CCDC91: variants seen among roughly 807,000 people sequenced by gnomAD.
CCDC91 encodes coiled-coil domain-containing protein 91.
In CCDC91, 48 loss-of-function variants were observed where a neutral mutation model predicts 63.2. The ratio of observed to expected loss-of-function variants is 0.76; its 90% CI spans 0.60 to 0.97. The LOEUF is 0.97. Among genes scored for constraint, CCDC91 ranks in the 50% least tolerant of loss-of-function variants. The probability of loss-of-function intolerance (pLI) is 0.00; values close to 1 mark genes in which losing one functional copy is unlikely to be tolerated. For synonymous variants in CCDC91, 167 were observed against 165.8 expected (o/e 1.01, Z -0.06); for missense variants, 500 against 494.6 (o/e 1.01, Z -0.10).
At chr12:28,243,257 A>G (rs1421694599) in intron 1 of CCDC91, among the ~76,000 whole-genome samples, 1 of 152,172 alleles carries the variant, frequency 6.6e-6, no homozygotes, top group Admixed American at 6.5e-5. Context: ...CAGCTGTCCC[A>G]TAGGGAAGTG....
rs763711917 is a variant in CCDC91 at position 28,389,836 on chromosome 12, A to G, written c.655-1468A>G. Reference sequence around the variant, plus strand: ...TAAGGGAATTTTTTATAACTATATTATTTTTTAACTTTTCTGAAATCCCAA... The same window carrying G: ...TAAGGGAATTTTTTATAACTATATTGTTTTTTAACTTTTCTGAAATCCCAA... On this transcript the variant is annotated intron_variant, in intron 7 of 12. Coordinates refer to ENST00000536442, the MANE Select transcript of CCDC91 (RefSeq NM_018318.5). Among the ~76,000 whole-genome samples the G allele has an allele frequency of 1.2e-4, 19 of 152,034 alleles. 1 individual carries two copies. Among genetic ancestry groups the G allele is most frequent in the South Asian group, 6.2e-4 (3 of 4,828 alleles).
chr12:28,455,874 A>G (rs1950034487), intron 11 of CCDC91, among the ~76,000 whole-genome samples: 1 of 152,014 alleles, frequency 6.6e-6, no homozygotes, highest in Non-Finnish European at 1.5e-5. Flanking sequence ...TATTATCCCC[A>G]TTGTTACAGA....
chr12:28,529,954 G>C (rs1941599020), intron 12 of CCDC91, among the ~76,000 whole-genome samples: 1 of 152,158 alleles, frequency 6.6e-6, no homozygotes, highest in Admixed American at 6.5e-5. Context: ...GCAACAGTCA[G>C]ATGAACTGGA....
intron 12 of CCDC91, among the ~76,000 whole-genome samples, chr12:28,506,992 C>G (rs1369817571): frequency 6.6e-6 from 1 of 151,844 alleles, no homozygotes; most frequent in Non-Finnish European, 1.5e-5. Flanking sequence ...TGTGTAAATG[C>G]AGAATTCATA....
chr12:28,413,544 A>G (rs534089583), intron 8 of CCDC91, among the ~76,000 whole-genome samples: 1 of 152,206 alleles, frequency 6.6e-6, no homozygotes, highest in African/African-American at 2.4e-5. Context: ...GATGTGCTGT[A>G]ATTTTACTCA....
intron 3 of CCDC91, among the ~76,000 whole-genome samples, chr12:28,297,219 A>G (rs1949611726): frequency 6.6e-6 from 1 of 151,878 alleles, no homozygotes; most frequent in Non-Finnish European, 1.5e-5. Context: ...ATTTTTACCC[A>G]TTTCTTATTT....
At chr12:28,457,098 T>G (rs1950090879) in intron 11 of CCDC91, among the ~76,000 whole-genome samples, 1 of 152,022 alleles carries the variant, frequency 6.6e-6, no homozygotes, top group Non-Finnish European at 1.5e-5. Flanking sequence ...CTGTAACCCA[T>G]GATTGAGTAG....
intron 1 of CCDC91, among the ~76,000 whole-genome samples, chr12:28,240,719 A>G (rs1034374375): frequency 3.8e-4 from 58 of 151,772 alleles, no homozygotes; most frequent in African/African-American, 1.2e-3. Flanking sequence ...TTTATAGCTG[A>G]TAAGTATTAC....
At chr12:28,399,696 G>A (rs1438868338) in intron 8 of CCDC91, among the ~76,000 whole-genome samples, 2 of 152,186 alleles carry the variant, frequency 1.3e-5, no homozygotes, top group Non-Finnish European at 2.9e-5. Context: ...TTCCAAATGG[G>A]AGAAATTGGC....
chr12:28,311,825 A>T (rs1001685096), intron 6 of CCDC91, among the ~76,000 whole-genome samples: 1 of 151,620 alleles, frequency 6.6e-6, no homozygotes, highest in African/African-American at 2.4e-5. Context: ...CAGAGGATTG[A>T]CTTTTATTGG....
intron 3 of CCDC91, among the ~76,000 whole-genome samples, chr12:28,268,057 AAATAATT>A (rs1288688401): frequency 7.1e-6 from 1 of 141,456 alleles, no homozygotes; most frequent in Non-Finnish European, 1.5e-5. Flanking sequence ...TAAAAATTAA[AAATAATT>A]AATAATAATA....
intron 1 of CCDC91, among the ~76,000 whole-genome samples, chr12:28,231,848 T>G (rs1944621644): frequency 6.6e-6 from 1 of 152,204 alleles, no homozygotes; most frequent in South Asian, 2.1e-4. Flanking sequence ...TTATGTTAAG[T>G]GAATCTGATT....
intron 11 of CCDC91, among the ~76,000 whole-genome samples, chr12:28,475,112 A>G (rs923367355): frequency 1.3e-5 from 2 of 152,136 alleles, no homozygotes; most frequent in African/African-American, 2.4e-5. Flanking sequence ...TTCTTTACAT[A>G]TATTAACATA....
At chr12:28,328,491 G>C (rs11049534) in intron 6 of CCDC91, among the ~76,000 whole-genome samples, 1 of 152,192 alleles carries the variant, frequency 6.6e-6, no homozygotes, top group Non-Finnish European at 1.5e-5. Context: ...TTTATTTTCA[G>C]ATTGCCAATT....
intron 11 of CCDC91, among the ~76,000 whole-genome samples, chr12:28,464,654 A>T (rs1950466882): frequency 6.6e-6 from 1 of 152,144 alleles, no homozygotes; most frequent in South Asian, 2.1e-4. Flanking sequence ...TTCCCTGTCA[A>T]CTCAAGAGCC....
At chr12:28,294,280 A>G (rs185264009) in intron 3 of CCDC91, among the ~76,000 whole-genome samples, 2 of 152,226 alleles carry the variant, frequency 1.3e-5, no homozygotes, top group African/African-American at 4.8e-5. Context: ...CTTTTTGGTC[A>G]TTGATAGGCT....
At chr12:28,435,131 A>G (rs557856605) in intron 8 of CCDC91, among the ~76,000 whole-genome samples, 37 of 151,124 alleles carry the variant, frequency 2.4e-4, no homozygotes, top group Non-Finnish European at 5.2e-4. Flanking sequence ...TCTGTTTTCA[A>G]TTTCATTGAT....
At chr12:28,457,624 A>G (rs542343370) in intron 11 of CCDC91, among the ~76,000 whole-genome samples, 11 of 151,848 alleles carry the variant, frequency 7.2e-5, no homozygotes, top group South Asian at 2.1e-4. Context: ...ATGTTAAACT[A>G]TGACAGAAAA....
intron 8 of CCDC91, among the ~76,000 whole-genome samples, chr12:28,430,903 T>C (rs1948592517): frequency 6.6e-6 from 1 of 152,150 alleles, no homozygotes; most frequent in African/African-American, 2.4e-5. Context: ...GTCTTCGTAT[T>C]AGTTTATATA....
Sources: gnomAD v4.1 joint callset for allele counts (sites outside exome capture counted in the v4.1 genomes callset) on GRCh38, gnomAD v4.1.1 for gene constraint, MANE v1.5 for transcripts, NCBI Gene and HGNC (gene_info 2026-07-23, HGNC 2026-07-21) for gene names.